MAPDA: variants seen among roughly 807,000 people sequenced by gnomAD.
MAPDA encodes N6-Methyl-AMP deaminase.
the MAPDA span, chr15:43,349,173 T>C: frequency 2.0e-6 from 3 of 1,488,992 alleles, no homozygotes; most frequent in East Asian, 4.7e-5. Context: ...AAAGATGGAG[T>C]GTGTGCTTTC....
the MAPDA span, among the ~76,000 whole-genome samples, chr15:43,337,296 AGAG>A: frequency 1.3e-5 from 2 of 149,144 alleles, no homozygotes; most frequent in Non-Finnish European, 3.0e-5. Flanking sequence ...AAAAAAAAAA[AGAG>A]AAGTATTAGA....
At chr15:43,340,746 C>T in the MAPDA span, among the ~76,000 whole-genome samples, 1 of 152,126 alleles carries the variant, frequency 6.6e-6, no homozygotes, top group Non-Finnish European at 1.5e-5. Flanking sequence ...TCCAGTCAGG[C>T]ATTATCTGTT....
chr15:43,335,306 G>T, the MAPDA span: 1 of 826,974 alleles, frequency 1.2e-6, no homozygotes, highest in Non-Finnish European at 1.9e-6. Flanking sequence ...AGGCCAAGGC[G>T]GGTGGATTCA....
chr15:43,332,613 T>C, the MAPDA span, among the ~76,000 whole-genome samples: 6 of 152,196 alleles, frequency 3.9e-5, no homozygotes, highest in African/African-American at 1.4e-4. Context: ...AAATCTCAGT[T>C]TATTCTTATA....
the MAPDA span, chr15:43,336,773 TC>T: frequency 1.9e-6 from 2 of 1,075,464 alleles, no homozygotes; most frequent in African/African-American, 3.3e-5. Context: ...ATTTTTGCTC[TC>T]ATTAAGAGTG....
the MAPDA span, chr15:43,349,351 A>C: frequency 9.6e-7 from 1 of 1,042,640 alleles, no homozygotes. Context: ...GACTTTAACA[A>C]AATTGACATG....
the MAPDA span, among the ~76,000 whole-genome samples, chr15:43,339,852 A>G: frequency 6.6e-6 from 1 of 152,264 alleles, no homozygotes; most frequent in South Asian, 2.1e-4. Context: ...CACATCAGTA[A>G]TACCTAATCA....
chr15:43,349,136 A>T, the MAPDA span: 3 of 1,575,212 alleles, frequency 1.9e-6, no homozygotes. Flanking sequence ...GTACTGTTCT[A>T]AAAGTACGAA....
At chr15:43,351,623 T>C in the MAPDA span, 45 of 817,026 alleles carry the variant, frequency 5.5e-5, no homozygotes, top group South Asian at 7.9e-4. Context: ...ATAGATAAAT[T>C]TGTAGGCCCT....
chr15:43,348,008 T>C, the MAPDA span, among the ~76,000 whole-genome samples: 11 of 152,358 alleles, frequency 7.2e-5, no homozygotes, highest in African/African-American at 2.6e-4. Flanking sequence ...TATAAGGGAA[T>C]AGCATGTGTG....
chr15:43,350,206 C>T, the MAPDA span, among the ~76,000 whole-genome samples: 2 of 151,662 alleles, frequency 1.3e-5, no homozygotes, highest in Non-Finnish European at 2.9e-5. Context: ...GCTGGGACAA[C>T]AGGCGCCTGC....
the MAPDA span, among the ~76,000 whole-genome samples, chr15:43,337,621 G>GA: frequency 0.035 from 5,366 of 152,022 alleles, 142 homozygotes; most frequent in Non-Finnish European, 0.055. Context: ...TTAACCAGTA[G>GA]AAAAAAAATG....
At chr15:43,340,044 A>C in the MAPDA span, among the ~76,000 whole-genome samples, 1 of 152,186 alleles carries the variant, frequency 6.6e-6, no homozygotes, top group Non-Finnish European at 1.5e-5. Context: ...ATTGGGATTG[A>C]ATGTGGGAAT....
chr15:43,353,626 TC>T, the MAPDA span: 1 of 152,234 alleles, frequency 6.6e-6, no homozygotes. Flanking sequence ...CTTTCAGTCC[TC>T]CCCCAAACTC....
the MAPDA span, chr15:43,351,799 CTGGCAGCTGAAACATTTAATT>C: frequency 1.9e-6 from 3 of 1,551,582 alleles, no homozygotes; most frequent in Non-Finnish European, 2.6e-6. Flanking sequence ...AGAGTACCAG[CTGGCAGCTGAAACATTTAATT>C]TGACCCAGTC....
chr15:43,337,988 A>G, the MAPDA span, among the ~76,000 whole-genome samples: 1 of 152,232 alleles, frequency 6.6e-6, no homozygotes, highest in African/African-American at 2.4e-5. Flanking sequence ...CAGCGTCTCA[A>G]AAGATACCAT....
chr15:43,340,863 C>T, the MAPDA span, among the ~76,000 whole-genome samples: 1 of 152,202 alleles, frequency 6.6e-6, no homozygotes, highest in Non-Finnish European at 1.5e-5. Context: ...TTGTTACAAG[C>T]AGAGGCTGAT....
At chr15:43,353,678 A>G in the MAPDA span, 1 of 152,240 alleles carries the variant, frequency 6.6e-6, no homozygotes, top group African/African-American at 2.4e-5. Context: ...ACCAGTGACC[A>G]GTGGTAATCA....
chr15:43,345,794 A>T, the MAPDA span: 4 of 1,599,428 alleles, frequency 2.5e-6, no homozygotes, highest in Non-Finnish European at 3.4e-6. Flanking sequence ...GGCTGTACTC[A>T]GAATTGTCTT....
Sources: gnomAD v4.1 joint callset for allele counts (sites outside exome capture counted in the v4.1 genomes callset) on GRCh38, gnomAD v4.1.1 for gene constraint, MANE v1.5 for transcripts, NCBI Gene and HGNC (gene_info 2026-07-23, HGNC 2026-07-21) for gene names.